CSMD1: variants seen among roughly 807,000 people sequenced by gnomAD.
CSMD1 encodes CUB and Sushi multiple domains 1.
In CSMD1, 213 loss-of-function variants were observed where a neutral mutation model predicts 417.5. The observed-to-expected ratio is 0.51, with a 90% confidence interval of 0.46 to 0.57. The LOEUF (loss-of-function observed/expected upper bound fraction) is 0.57. Among genes scored for constraint, CSMD1 ranks in the 20% least tolerant of loss-of-function variants. The pLI is 0.00. For missense variants in CSMD1, 6,923 were observed against 4,529.7 expected, an observed-to-expected ratio of 1.53 and a Z score of -15.17; for synonymous variants, 2,862 against 1,736.8, an observed-to-expected ratio of 1.65 and a Z score of -16.11.
intron 2 of CSMD1, among the ~76,000 whole-genome samples, chr8:4,541,276 G>A (rs1797371916): frequency 6.6e-6 from 1 of 152,142 alleles, no homozygotes; most frequent in African/African-American, 2.4e-5. Context: ...TCATCCCCAG[G>A]ATCTACTGGC....
intron 5 of CSMD1, among the ~76,000 whole-genome samples, chr8:3,882,763 G>C (rs959617814): frequency 6.6e-6 from 1 of 152,192 alleles, no homozygotes; most frequent in Non-Finnish European, 1.5e-5. Flanking sequence ...TTGTGTGAAA[G>C]AATCCAAAAG....
intron 2 of CSMD1, among the ~76,000 whole-genome samples, chr8:4,523,845 T>G (rs930809749): frequency 2.6e-5 from 4 of 152,202 alleles, no homozygotes; most frequent in African/African-American, 9.6e-5. Context: ...TTCTTAACTG[T>G]GCCATCTTGA....
chr8:3,559,145 T>C (rs1799357405), intron 10 of CSMD1, among the ~76,000 whole-genome samples: 1 of 152,224 alleles, frequency 6.6e-6, no homozygotes, highest in Admixed American at 6.5e-5. Flanking sequence ...GTGTGTACCC[T>C]GTGGCAGGAA....
intron 3 of CSMD1, among the ~76,000 whole-genome samples, chr8:4,076,127 T>A (rs1342006648): frequency 6.6e-6 from 1 of 152,142 alleles, no homozygotes; most frequent in East Asian, 1.9e-4. Flanking sequence ...GGAGGGACCC[T>A]GTAGGAGGTA....
At chr8:3,257,731 C>G (rs1032990146) in intron 26 of CSMD1, among the ~76,000 whole-genome samples, 5 of 152,102 alleles carry the variant, frequency 3.3e-5, no homozygotes, top group Non-Finnish European at 2.9e-5. Flanking sequence ...GTTGGAGAAG[C>G]ATGGACATTT....
In CSMD1 at chr8:3,552,228, G is replaced by T. The variant is rs73658183; in HGVS notation, c.1344+22717C>A. 8.6e-3 allele frequency among the ~76,000 whole-genome samples: 1,306 copies of T among 152,216 alleles called. 19 individuals are homozygous for T. Among genetic ancestry groups the T allele is most frequent in the African/African-American group, 0.03 (1,248 of 41,518 alleles). On this transcript the variant is annotated intron_variant, in intron 10 of 69. Transcript: ENST00000635120. ...ACAACATTCTGATTTAGAAAAAAGG[G>T]CTGAGGAAATTACAAAAAAGTGTAT...
chr8:4,089,775 G>C (rs1048917041), intron 3 of CSMD1, among the ~76,000 whole-genome samples: 3 of 152,162 alleles, frequency 2.0e-5, no homozygotes, highest in East Asian at 1.9e-4. Context: ...TTTTTGTTAT[G>C]GGCAATAATG....
At chr8:3,493,203 T>C (rs1455408277) in intron 11 of CSMD1, among the ~76,000 whole-genome samples, 1 of 144,618 alleles carries the variant, frequency 6.9e-6, no homozygotes, top group African/African-American at 2.6e-5. Flanking sequence ...GTGAGGCAGG[T>C]GAATTGCTTG....
chr8:3,657,634 G>A (rs1432541219), intron 7 of CSMD1, among the ~76,000 whole-genome samples: 6 of 152,132 alleles, frequency 3.9e-5, no homozygotes, highest in African/African-American at 1.2e-4. Flanking sequence ...TCATAAGTGG[G>A]TGTTGAACAA....
At chr8:3,800,406 G>T (rs1336436631) in intron 5 of CSMD1, among the ~76,000 whole-genome samples, 1 of 152,118 alleles carries the variant, frequency 6.6e-6, no homozygotes, top group Admixed American at 6.6e-5. Context: ...TGCAATTATT[G>T]ACACCTGTGA....
intron 3 of CSMD1, among the ~76,000 whole-genome samples, chr8:4,068,599 G>A (rs918943168): frequency 6.6e-6 from 1 of 152,102 alleles, no homozygotes; most frequent in Non-Finnish European, 1.5e-5. Context: ...AATGATTGCA[G>A]AAAACATATC....
At chr8:4,366,758 G>T (rs1363932049) in intron 3 of CSMD1, among the ~76,000 whole-genome samples, 1 of 151,998 alleles carries the variant, frequency 6.6e-6, no homozygotes, top group Non-Finnish European at 1.5e-5. Flanking sequence ...TGAACAACGT[G>T]CACGTTAGTT....
chr8:4,353,953 G>A lies in CSMD1; in HGVS notation c.415+66000C>T, dbSNP rs939307273. On this transcript the variant is annotated intron_variant, in intron 3 of 69. Transcript: ENST00000635120. Reference sequence around the variant, plus strand: ...TGAGGTATATTAGGGAACTTCATCAGCCCTCTATGATGATATATTGTTTCA... The same window carrying A: ...TGAGGTATATTAGGGAACTTCATCAACCCTCTATGATGATATATTGTTTCA... Among the ~76,000 whole-genome samples, 10 of 152,200 alleles carry A rather than the reference G, an allele frequency of 6.6e-5. 1 individual carries two copies. The South Asian group carries it at 2.1e-3, about 32-fold the overall frequency.
At chr8:3,499,883 G>A (rs2117335215) in intron 10 of CSMD1, among the ~76,000 whole-genome samples, 1 of 152,200 alleles carries the variant, frequency 6.6e-6, no homozygotes. Flanking sequence ...CCATGCTGCA[G>A]CAGCCTGAGG....
intron 11 of CSMD1, among the ~76,000 whole-genome samples, chr8:3,485,658 A>T (rs1817986867): frequency 6.6e-6 from 1 of 151,844 alleles, no homozygotes; most frequent in Admixed American, 6.6e-5. Context: ...TACTCCTGAG[A>T]CTGAGGCATG....
At chr8:3,501,938 C>T (rs945882841) in intron 10 of CSMD1, among the ~76,000 whole-genome samples, 4 of 152,024 alleles carry the variant, frequency 2.6e-5, no homozygotes, top group African/African-American at 9.7e-5. Context: ...TTTAAATTTC[C>T]TACAAAAGAA....
intron 1 of CSMD1, among the ~76,000 whole-genome samples, chr8:4,704,368 G>A (rs1044784622): frequency 2.6e-5 from 4 of 152,166 alleles, no homozygotes; most frequent in African/African-American, 9.7e-5. Context: ...AGTACTTATT[G>A]CAATCAGTAA....
At chr8:4,208,862 A>T (rs543040519) in intron 3 of CSMD1, among the ~76,000 whole-genome samples, 1 of 152,316 alleles carries the variant, frequency 6.6e-6, no homozygotes, top group South Asian at 2.1e-4. Context: ...ATAAGTATCC[A>T]TTCAAAATAC....
chr8:3,527,520 G>A (rs531867863), intron 10 of CSMD1, among the ~76,000 whole-genome samples: 2 of 152,042 alleles, frequency 1.3e-5, no homozygotes, highest in Non-Finnish European at 2.9e-5. Flanking sequence ...GAGGGAGCTG[G>A]GTGGTATCTC....
Sources: allele counts gnomAD v4.1 joint callset (sites outside exome capture counted in the v4.1 genomes callset), GRCh38; gene constraint gnomAD v4.1.1; transcripts MANE v1.5; gene names NCBI Gene and HGNC (gene_info 2026-07-23, HGNC 2026-07-21).